NDC1: variants seen among roughly 807,000 people sequenced by gnomAD.
The protein encoded by NDC1 is NDC1 transmembrane nucleoporin.
NDC1 carries 24 observed loss-of-function variants against 89.8 expected under a neutral mutation model. The ratio of observed to expected loss-of-function variants is 0.27; its 90% CI spans 0.19 to 0.38. NDC1 has a LOEUF of 0.38. Among genes scored for constraint, NDC1 ranks in the 10% least tolerant of loss-of-function variants. The pLI is 1.00. For synonymous variants in NDC1, 296 were observed against 284.8 expected, an observed-to-expected ratio of 1.04 and a Z score of -0.39; for missense variants, 728 against 797.6, an observed-to-expected ratio of 0.91 and a Z score of 1.05.
At chr1:53,772,716 CATAACA>C (rs1647127252) in intron 16 of NDC1, among the ~76,000 whole-genome samples, 1 of 149,440 alleles carries the variant, frequency 6.7e-6, no homozygotes, top group Non-Finnish European at 1.5e-5. Flanking sequence ...CATAACATAA[CATAACA>C]AAACAAAACA....
chr1:53,809,025 A>G, intron 7 of NDC1, among the ~76,000 whole-genome samples: 1 of 152,232 alleles, frequency 6.6e-6, no homozygotes. Context: ...TGCAAAGTGC[A>G]TAGAAGATTA....
chr1:53,785,604 ACT>A (rs1376329197), intron 16 of NDC1, among the ~76,000 whole-genome samples: 1 of 152,024 alleles, frequency 6.6e-6, no homozygotes, highest in African/African-American at 2.4e-5. Flanking sequence ...ACAGGGTCTC[ACT>A]CTGTCACCCA....
intron 11 of NDC1, among the ~76,000 whole-genome samples, chr1:53,798,551 CTTT>C (rs377090464): frequency 7.4e-4 from 102 of 138,600 alleles, no homozygotes; most frequent in Middle Eastern, 7.5e-3. Flanking sequence ...TATGACTTTT[CTTT>C]TTTTTTTTTT....
At position 53,822,265 on chromosome 1, in the gene NDC1, C is replaced by T. The variant is rs924404856; in HGVS notation, c.595-3186G>A. 3.9e-5 allele frequency among the ~76,000 whole-genome samples: 6 copies of T among 152,058 alleles called. No individual in the cohort carries two copies. The East Asian group carries it at 7.7e-4, about 20-fold the overall frequency. The stretch of plus-strand genomic sequence containing the variant: ...AGAAGAATTACTTGAACCTGGGAGG[C>T]GGAGGTTGCAGTGAGCCGGGACTGT... On this transcript the variant is annotated intron_variant, in intron 5 of 17. Transcript: ENST00000371429.
At chr1:53,789,799 C>CAA (rs35994081) in intron 14 of NDC1, among the ~76,000 whole-genome samples, 13 of 108,974 alleles carry the variant, frequency 1.2e-4, no homozygotes, top group African/African-American at 1.4e-4. Context: ...AACTCCATCT[C>CAA]AAAAAAAAAA....
At chr1:53,810,404 TA>T (rs1031760482) in intron 6 of NDC1, among the ~76,000 whole-genome samples, 21 of 119,264 alleles carry the variant, frequency 1.8e-4, no homozygotes, top group South Asian at 1.6e-3. Flanking sequence ...TGGTTTTAAT[TA>T]AAAAAAAGAA....
chr1:53,810,925 C>T (rs183319266), intron 6 of NDC1, among the ~76,000 whole-genome samples: 1 of 152,256 alleles, frequency 6.6e-6, no homozygotes, highest in East Asian at 1.9e-4. Flanking sequence ...CCTGAGGACC[C>T]GGGAGACACC....
At chr1:53,802,663 G>C (rs549370245) in intron 10 of NDC1, among the ~76,000 whole-genome samples, 1 of 152,172 alleles carries the variant, frequency 6.6e-6, no homozygotes, top group African/African-American at 2.4e-5. Context: ...TGGTGATACA[G>C]TGAGACCCTG....
intron 7 of NDC1, among the ~76,000 whole-genome samples, chr1:53,809,382 C>T (rs1278878543): frequency 6.6e-6 from 1 of 152,106 alleles, no homozygotes; most frequent in South Asian, 2.1e-4. Flanking sequence ...GACAGGGTCT[C>T]GCTCTATTGC....
At chr1:53,792,154 G>C (rs1287992723) in intron 14 of NDC1, among the ~76,000 whole-genome samples, 1 of 152,122 alleles carries the variant, frequency 6.6e-6, no homozygotes, top group Non-Finnish European at 1.5e-5. Flanking sequence ...GTGTTAGCCA[G>C]GATGGTCTTG....
intron 16 of NDC1, among the ~76,000 whole-genome samples, chr1:53,784,619 C>T (rs904696796): frequency 1.3e-5 from 2 of 152,094 alleles, no homozygotes; most frequent in Non-Finnish European, 2.9e-5. Flanking sequence ...GGTGAAACCC[C>T]GTCTCTACTA....
intron 2 of NDC1, among the ~76,000 whole-genome samples, chr1:53,833,221 G>T (rs1020954228): frequency 5.3e-5 from 8 of 152,022 alleles, no homozygotes; most frequent in Admixed American, 3.9e-4. Flanking sequence ...GGAGTGTAGT[G>T]GCTCAATCTT....
At chr1:53,782,110 T>C (rs973903386) in intron 16 of NDC1, among the ~76,000 whole-genome samples, 18 of 152,034 alleles carry the variant, frequency 1.2e-4, no homozygotes, top group African/African-American at 3.9e-4. Flanking sequence ...GAGAAAAATA[T>C]GTTCTAGACA....
At chr1:53,800,427 C>G (rs1192325983) in intron 11 of NDC1, among the ~76,000 whole-genome samples, 1 of 150,440 alleles carries the variant, frequency 6.6e-6, no homozygotes, top group African/African-American at 2.5e-5. Context: ...ACTCCGCCTC[C>G]CTGGTTCTCC....
At chr1:53,818,008 G>A (rs1648535488) in intron 6 of NDC1, among the ~76,000 whole-genome samples, 1 of 152,012 alleles carries the variant, frequency 6.6e-6, no homozygotes, top group Non-Finnish European at 1.5e-5. Context: ...CATTGTATTA[G>A]TATCAAGTTA....
intron 8 of NDC1, among the ~76,000 whole-genome samples, chr1:53,806,788 T>C (rs943122484): frequency 2.6e-5 from 4 of 152,086 alleles, no homozygotes; most frequent in African/African-American, 7.2e-5. Flanking sequence ...CCTACGGAGA[T>C]TGTAAAATAA....
chr1:53,776,499 A>C (rs1218391202), intron 16 of NDC1, among the ~76,000 whole-genome samples: 4 of 152,192 alleles, frequency 2.6e-5, no homozygotes, highest in Non-Finnish European at 5.9e-5. Flanking sequence ...ATACTACCTT[A>C]AATACTGGGT....
chr1:53,832,772 T>C (rs1224671259), intron 2 of NDC1, among the ~76,000 whole-genome samples, 181 bp from the exon 3 acceptor site: 1 of 152,186 alleles, frequency 6.6e-6, no homozygotes, highest in Non-Finnish European at 1.5e-5. Flanking sequence ...AGAACTACAG[T>C]GTGGGCTGGG....
rs1421297602 is a variant in NDC1 at position 53,797,046 on chromosome 1, G to C, written c.1321C>G (p.Pro441Ala). 2 of 1,614,056 alleles carry C rather than the reference G, an allele frequency of 1.2e-6. No homozygotes were observed. The highest frequency in any genetic ancestry group is 2.2e-5 in the South Asian group (2 of 91,076). ...TSLFSSKLST[P>A]DVVSPFGTPF... Reference sequence around the variant, plus strand: ...GTCCCAAATGGGCTCACAACATCAGGTGTAGATAATTTTGAAGAAAACAGT... The same window carrying C: ...GTCCCAAATGGGCTCACAACATCAGCTGTAGATAATTTTGAAGAAAACAGT... The change falls in exon 12 of 18, where the codon CCT (proline) becomes GCT (alanine). Residue 441 changes from proline to alanine, a missense_variant. Pro to Ala is a conservative substitution (Grantham distance 27). Transcript: ENST00000371429.
Sources: allele counts gnomAD v4.1 joint callset (sites outside exome capture counted in the v4.1 genomes callset), GRCh38; gene constraint gnomAD v4.1.1; transcripts MANE v1.5; gene names NCBI Gene and HGNC (gene_info 2026-07-23, HGNC 2026-07-21).